ARRB1: variants seen among roughly 807,000 people sequenced by gnomAD.
ARRB1 encodes the protein beta-arrestin-1.
ARRB1 carries 21 observed loss-of-function variants against 56.8 expected under a neutral mutation model. The observed-to-expected ratio is 0.37, with a 90% CI of 0.26 to 0.53. The LOEUF (loss-of-function observed/expected upper bound fraction) is 0.53, where lower values mean the gene tolerates loss of function less well. ARRB1 is among the 20% of genes least tolerant of loss of function. The pLI, the probability that ARRB1 is intolerant of heterozygous loss-of-function variation, is 0.88. For missense variants in ARRB1, 424 were observed against 553.7 expected, an observed-to-expected ratio of 0.77 and a Z score of 2.35; for synonymous variants, 210 against 218.6, an observed-to-expected ratio of 0.96 and a Z score of 0.35.
chr11:75,268,904 G>C lies in ARRB1; in HGVS notation c.1078C>G (p.Pro360Ala), dbSNP rs987287621. Residue 360 changes from proline (P) to alanine (A), a missense_variant, in exon 14 of 16, where the codon CCC becomes GCC. Around this residue, in one of 3 missense-constraint regions of ARRB1, gnomAD observed 121 missense variants for 147.3 expected, o/e 0.82. Transcript: ENST00000420843. ...TLMHPKPKEEPPHREVPENET... is the reference protein window; with the variant it reads ...TLMHPKPKEEAPHREVPENET... ...TTCTGCTCACCTTCCCGATGCGGGG[G>C]TTCCTCTTTGGGCTTGGGGTGCATT... The C allele has an allele frequency of 5.0e-6, 8 of 1,609,534 alleles. No homozygotes were observed. Among genetic ancestry groups the C allele is most frequent in the African/African-American group, 1.3e-5 (1 of 74,486 alleles).
chr11:75,303,550 CT>C (rs1290519704), intron 1 of ARRB1: 5 of 455,904 alleles, frequency 1.1e-5, no homozygotes, highest in African/African-American at 1.0e-4. Flanking sequence ...TCCCTCCTTT[CT>C]TTTCTTCCCT....
chr11:75,295,606 A>G (rs567204063), intron 1 of ARRB1, among the ~76,000 whole-genome samples: 10 of 152,324 alleles, frequency 6.6e-5, no homozygotes, highest in African/African-American at 2.2e-4. Flanking sequence ...CCTTAACTCC[A>G]TCTGCAACCG....
intron 9 of ARRB1, 80 bp downstream of exon 9, chr11:75,277,284 G>T: frequency 7.3e-7 from 1 of 1,375,736 alleles, no homozygotes; most frequent in Non-Finnish European, 1.0e-6. Context: ...CTGTTAACAA[G>T]GGGAGATACT....
intron 1 of ARRB1, among the ~76,000 whole-genome samples, chr11:75,305,279 A>G (rs1947004323): frequency 1.3e-5 from 2 of 151,416 alleles, no homozygotes; most frequent in Non-Finnish European, 2.9e-5. Flanking sequence ...TCCTGACCTC[A>G]AGTGATCCTC....
chr11:75,316,036 G>A (rs532005540), intron 1 of ARRB1, among the ~76,000 whole-genome samples: 2 of 152,186 alleles, frequency 1.3e-5, no homozygotes, highest in Non-Finnish European at 2.9e-5. Context: ...GGGCCTCAAA[G>A]CTGGTTACAG....
Position 75,276,902 on chromosome 11 carries a change from T to A in ARRB1, c.713A>T (p.Tyr238Phe). Reference protein sequence around the residue: ...VKKIKISVRQYADICLFNTAQ... With the variant: ...VKKIKISVRQFADICLFNTAQ... The stretch of plus-strand genomic sequence containing the variant: ...TGTGTTGAAAAGGCAGATGTCTGCA[T>A]ACTGGCGCACTAGGGAGGGAGAGGA... Residue 238 changes from tyrosine (Y) to phenylalanine (F), a missense_variant, in exon 10 of 16, where the codon TAT becomes TTT. Around this residue, in one of 3 missense-constraint regions of ARRB1, gnomAD observed 301 missense variants for 387.9 expected, o/e 0.78. Transcript: ENST00000420843. The A allele has an allele frequency of 4.3e-6, 7 of 1,614,208 alleles. No individual in the cohort carries two copies. The highest frequency in any genetic ancestry group is 5.9e-6 in the Non-Finnish European group (7 of 1,180,010).
intron 2 of ARRB1, among the ~76,000 whole-genome samples, chr11:75,288,500 C>T (rs534789031): frequency 7.7e-4 from 118 of 152,318 alleles, no homozygotes; most frequent in African/African-American, 2.8e-3. Context: ...AAGTCCGTAC[C>T]TCTCCATCCC....
At chr11:75,335,859 C>T (rs978293884) in intron 1 of ARRB1, among the ~76,000 whole-genome samples, 1 of 152,228 alleles carries the variant, frequency 6.6e-6, no homozygotes, top group Non-Finnish European at 1.5e-5. Flanking sequence ...GCCCACACGA[C>T]AGTCCTGGAG....
chr11:75,307,801 G>A (rs1056557264), intron 1 of ARRB1, among the ~76,000 whole-genome samples: 4 of 152,246 alleles, frequency 2.6e-5, no homozygotes, highest in African/African-American at 7.2e-5. Context: ...TCAGCTGTGT[G>A]TCTGGGCAGA....
chr11:75,309,407 T>C (rs1368398955), intron 1 of ARRB1, among the ~76,000 whole-genome samples: 3 of 152,228 alleles, frequency 2.0e-5, no homozygotes, highest in African/African-American at 7.2e-5. Context: ...AGGTGCATCA[T>C]AAAGGAGTTA....
intron 10 of ARRB1, among the ~76,000 whole-genome samples, chr11:75,275,202 A>T (rs1305538595): frequency 6.8e-6 from 1 of 147,808 alleles, no homozygotes; most frequent in Non-Finnish European, 1.5e-5. Context: ...GCTAGAGTAC[A>T]GTAGTGCGAT....
chr11:75,279,563 C>CA (rs1946282147), intron 7 of ARRB1, among the ~76,000 whole-genome samples: 1 of 152,246 alleles, frequency 6.6e-6, no homozygotes, highest in Non-Finnish European at 1.5e-5. Flanking sequence ...TCTCCTCTTA[C>CA]TAACTATGTG....
At chr11:75,330,320 A>G (rs1947501681) in intron 1 of ARRB1, among the ~76,000 whole-genome samples, 1 of 152,184 alleles carries the variant, frequency 6.6e-6, no homozygotes, top group African/African-American at 2.4e-5. Flanking sequence ...AGGGCTAAGG[A>G]GGAGTCCAGG....
chr11:75,317,607 GCT>G (rs1418695393), intron 1 of ARRB1, among the ~76,000 whole-genome samples: 2 of 152,144 alleles, frequency 1.3e-5, no homozygotes, highest in Non-Finnish European at 2.9e-5. Flanking sequence ...CTGTCTACCT[GCT>G]CCAGACCATA....
intron 12 of ARRB1, 82 bp downstream of exon 12, chr11:75,272,813 G>A (rs892205878): frequency 2.2e-6 from 3 of 1,390,910 alleles, no homozygotes; most frequent in Non-Finnish European, 3.0e-6. Context: ...GCTGCAAACA[G>A]GCAGAATGGG....
intron 1 of ARRB1, among the ~76,000 whole-genome samples, chr11:75,317,371 T>G (rs1947281721): frequency 6.6e-6 from 1 of 152,086 alleles, no homozygotes; most frequent in Non-Finnish European, 1.5e-5. Flanking sequence ...GGCTGGTTAT[T>G]AACTTCTGTG....
intron 1 of ARRB1, among the ~76,000 whole-genome samples, chr11:75,310,021 T>C (rs1783470): frequency 0.069 from 10,468 of 152,176 alleles, 547 homozygotes; most frequent in East Asian, 0.25. Context: ...GCTGGCCCTC[T>C]TAGCCACCAA....
chr11:75,300,794 G>A (rs1170856794), intron 1 of ARRB1, among the ~76,000 whole-genome samples: 4 of 150,838 alleles, frequency 2.7e-5, no homozygotes, highest in African/African-American at 4.9e-5. Context: ...GTGAAACCCC[G>A]TCTCTACTAA....
chr11:75,317,657 A>G (rs1262223986), intron 1 of ARRB1, among the ~76,000 whole-genome samples: 1 of 152,176 alleles, frequency 6.6e-6, no homozygotes, highest in Admixed American at 6.5e-5. Context: ...TTTTGCTGCC[A>G]TGGTATCCCC....
Sources: allele counts gnomAD v4.1 joint callset (sites outside exome capture counted in the v4.1 genomes callset), GRCh38; gene constraint gnomAD v4.1.1; regional missense constraint gnomAD v4.1.1; transcripts MANE v1.5; gene names NCBI Gene and HGNC (gene_info 2026-07-23, HGNC 2026-07-21).